The following PKIG variants were observed in gnomAD, a reference collection of about 807,000 sequenced individuals.
PKIG encodes cAMP-dependent protein kinase inhibitor gamma.
Under a neutral mutation model 6.8 loss-of-function variants are expected in PKIG, and 1 was observed. The observed-to-expected ratio is 0.15, with a 90% CI of 0.05 to 0.69. The LOEUF (loss-of-function observed/expected upper bound fraction) is 0.69. Ranked by LOEUF, PKIG falls within the 30% of genes least tolerant of loss-of-function variation. The probability of loss-of-function intolerance (pLI) is 0.82; values close to 1 mark genes in which losing one functional copy is unlikely to be tolerated. For synonymous variants in PKIG, 39 were observed against 43.0 expected, an observed-to-expected ratio of 0.91 and a Z score of 0.36; for missense variants, 77 against 104.0, an observed-to-expected ratio of 0.74 and a Z score of 1.13.
chr20:44,560,814 CGAG>C (rs1284373858), intron 1 of PKIG, among the ~76,000 whole-genome samples: 3 of 152,098 alleles, frequency 2.0e-5, no homozygotes, highest in Non-Finnish European at 4.4e-5. Flanking sequence ...AATTTTCTCT[CGAG>C]GAAGATGTTA....
At chr20:44,538,959 CTT>C (rs2064536494) in intron 1 of PKIG, among the ~76,000 whole-genome samples, 1 of 151,642 alleles carries the variant, frequency 6.6e-6, no homozygotes, top group Admixed American at 6.6e-5. Flanking sequence ...GAGCCTCACT[CTT>C]TTGCCCAGGC....
chr20:44,607,333 T>TG (rs2065172420), intron 2 of PKIG, among the ~76,000 whole-genome samples: 1 of 144,396 alleles, frequency 6.9e-6, no homozygotes, highest in Non-Finnish European at 1.5e-5. Flanking sequence ...GTGTGTGTGT[T>TG]TGTGTGTGTA....
At chr20:44,576,346 T>C (rs1056324426) in intron 1 of PKIG, among the ~76,000 whole-genome samples, 2 of 152,078 alleles carry the variant, frequency 1.3e-5, no homozygotes, top group Non-Finnish European at 2.9e-5. Context: ...CGTGTACTTA[T>C]AAATATGTTA....
chr20:44,574,684 C>T (rs1411943905), intron 1 of PKIG, among the ~76,000 whole-genome samples: 1 of 152,078 alleles, frequency 6.6e-6, no homozygotes, highest in Non-Finnish European at 1.5e-5. Context: ...AGCAGTTCTC[C>T]TGTCTCAGCC....
At chr20:44,583,993 A>G (rs1217891493) in intron 1 of PKIG, among the ~76,000 whole-genome samples, 1 of 152,172 alleles carries the variant, frequency 6.6e-6, no homozygotes, top group Non-Finnish European at 1.5e-5. Flanking sequence ...TGGTAACTGT[A>G]TGTGCACACG....
chr20:44,600,713 T>C (rs1312976181), intron 2 of PKIG, among the ~76,000 whole-genome samples: 1 of 148,004 alleles, frequency 6.8e-6, no homozygotes, highest in African/African-American at 2.5e-5. Context: ...GAAGAAGAAA[T>C]GACAGGACTG....
At chr20:44,575,511 A>G (rs2064889590) in intron 1 of PKIG, among the ~76,000 whole-genome samples, 1 of 152,208 alleles carries the variant, frequency 6.6e-6, no homozygotes, top group Non-Finnish European at 1.5e-5. Context: ...AATCAATAAT[A>G]AAAGACTTCT....
intron 2 of PKIG, among the ~76,000 whole-genome samples, chr20:44,610,277 G>A (rs897784523): frequency 2.6e-5 from 4 of 152,160 alleles, no homozygotes; most frequent in Non-Finnish European, 5.9e-5. Context: ...GGGTTAGGTG[G>A]CAGAGCTTGG....
rs1165563316 is a variant in PKIG, at chr20:44,591,171, G to T, written c.-24+1305G>T. Reference sequence around the variant, plus strand: ...GGTATGCAGGAGATGACTTGGAGAAGAGTGGGCGGGGACAGGCTGGGGGCT... The same window carrying T: ...GGTATGCAGGAGATGACTTGGAGAATAGTGGGCGGGGACAGGCTGGGGGCT... On this transcript the variant is annotated intron_variant, in intron 2 of 3. Coordinates refer to ENST00000372886, the MANE Select transcript of PKIG (RefSeq NM_001281445.2). Among the ~76,000 whole-genome samples the T allele has an allele frequency of 4.6e-5, 7 of 152,150 alleles. No homozygotes were observed. The East Asian group carries it at 1.4e-3, about 29-fold the overall frequency.
intron 2 of PKIG, among the ~76,000 whole-genome samples, chr20:44,610,489 C>CT (rs1327982514): frequency 0.031 from 4,266 of 139,628 alleles, 75 homozygotes; most frequent in African/African-American, 0.057. Flanking sequence ...TCTCTCTTCT[C>CT]TCTCTCTCTC....
chr20:44,614,066 T>C lies in PKIG; in HGVS notation c.-23-468T>C, dbSNP rs1458810889. On this transcript the variant is annotated intron_variant, in intron 2 of 3. Transcript: ENST00000372886. The surrounding 1 kb of genome is among the most constrained non-coding windows in gnomAD (Gnocchi z 4.6). ...CCTTGGTTCTCAGCTAAAATGTCAC[T>C]TTGTGACCCCCAGCCTTGATCAGGT... 2.0e-5 allele frequency among the ~76,000 whole-genome samples: 3 copies of C among 152,144 alleles called. No individual in the cohort carries two copies. The highest frequency in any genetic ancestry group is 7.2e-5 in the African/African-American group (3 of 41,434).
At chr20:44,594,427 C>T (rs1001614229) in intron 2 of PKIG, among the ~76,000 whole-genome samples, 1 of 152,198 alleles carries the variant, frequency 6.6e-6, no homozygotes, top group African/African-American at 2.4e-5. Flanking sequence ...CCTGTACTTC[C>T]TTCATTCCTT....
At chr20:44,535,815 A>G (rs1034142626) in intron 1 of PKIG, among the ~76,000 whole-genome samples, 1 of 152,236 alleles carries the variant, frequency 6.6e-6, no homozygotes, top group Non-Finnish European at 1.5e-5. Context: ...TAAATCTTTA[A>G]TTGTGATAAA....
chr20:44,602,256 A>G lies in PKIG; in HGVS notation c.-23-12278A>G, dbSNP rs530393119. 2.6e-5 allele frequency among the ~76,000 whole-genome samples: 4 copies of G among 152,262 alleles called. No individual in the cohort carries two copies. The South Asian group carries it at 8.3e-4, about 32-fold the overall frequency. ...CTGTTGGCTCTCTGGGTCCCTCTCTATCCAACTTTTCTGTAGATTTCAGCA... is the reference window on the plus strand; with the variant it reads ...CTGTTGGCTCTCTGGGTCCCTCTCTGTCCAACTTTTCTGTAGATTTCAGCA... On this transcript the variant is annotated intron_variant, in intron 2 of 3. Transcript: ENST00000372886.
chr20:44,539,466 CTGGAGCGCAGTGG>C, intron 1 of PKIG, among the ~76,000 whole-genome samples: 1 of 151,694 alleles, frequency 6.6e-6, no homozygotes, highest in South Asian at 2.1e-4. Flanking sequence ...GTTGCCCAGG[CTGGAGCGCAGTGG>C]CGTGATCTCG....
At chr20:44,533,647 A>C (rs980472398) in intron 1 of PKIG, among the ~76,000 whole-genome samples, 1 of 152,100 alleles carries the variant, frequency 6.6e-6, no homozygotes, top group Non-Finnish European at 1.5e-5. Flanking sequence ...GAACTTAAAG[A>C]TCAATATTGA....
chr20:44,576,936 A>G (rs2064903515), intron 1 of PKIG, among the ~76,000 whole-genome samples: 1 of 152,124 alleles, frequency 6.6e-6, no homozygotes, highest in East Asian at 1.9e-4. Context: ...TCAGCAGTCC[A>G]AAGGGGACCA....
At chr20:44,572,502 T>C (rs1268479311) in intron 1 of PKIG, among the ~76,000 whole-genome samples, 1 of 152,218 alleles carries the variant, frequency 6.6e-6, no homozygotes, top group African/African-American at 2.4e-5. Flanking sequence ...TTTATAATCT[T>C]TTAAAATTCA....
chr20:44,542,985 G>A (rs1402743136), intron 1 of PKIG, among the ~76,000 whole-genome samples: 1 of 152,220 alleles, frequency 6.6e-6, no homozygotes, highest in Non-Finnish European at 1.5e-5. Flanking sequence ...TTGAAGAAGT[G>A]CACTCTCAGA....
Sources: gnomAD v4.1 joint callset for allele counts (sites outside exome capture counted in the v4.1 genomes callset) on GRCh38, gnomAD v4.1.1 for gene constraint, Gnocchi (gnomAD v3.1) non-coding constraint, MANE v1.5 for transcripts, NCBI Gene and HGNC (gene_info 2026-07-23, HGNC 2026-07-21) for gene names.